GHR: variants seen among roughly 807,000 people sequenced by gnomAD.
GHR encodes growth hormone receptor, also known as GH receptor.
GHR carries 35 observed loss-of-function variants against 67.1 expected under a neutral mutation model. That is an observed-to-expected ratio of 0.52 (90% CI 0.40 to 0.69). The LOEUF (loss-of-function observed/expected upper bound fraction) is 0.69. Among genes scored for constraint, GHR ranks in the 30% least tolerant of loss-of-function variants. The pLI, the probability that GHR is intolerant of heterozygous loss-of-function variation, is 0.00. For missense variants in GHR, 792 were observed against 764.6 expected (o/e 1.04, Z -0.42); for synonymous variants, 272 against 269.1 (o/e 1.01, Z -0.10).
chr5:42,467,194 G>T, intron 1 of GHR: 11 of 1,581,018 alleles, frequency 7.0e-6, no homozygotes, highest in Non-Finnish European at 9.5e-6. Context: ...CTGACTGAAG[G>T]CTTGCCCACA....
chr5:42,664,861 T>A (rs1755869160), intron 3 of GHR, among the ~76,000 whole-genome samples: 1 of 152,210 alleles, frequency 6.6e-6, no homozygotes, highest in East Asian at 1.9e-4. Context: ...AAAGGGATAA[T>A]ATCCAGAATC....
At chr5:42,471,397 T>A (rs1455072937) in intron 1 of GHR, among the ~76,000 whole-genome samples, 1 of 152,190 alleles carries the variant, frequency 6.6e-6, no homozygotes, top group East Asian at 1.9e-4. Context: ...AGCTACTATT[T>A]GAGGAACTAA....
intron 1 of GHR, among the ~76,000 whole-genome samples, chr5:42,425,546 A>T (rs1742815579): frequency 6.6e-6 from 1 of 152,154 alleles, no homozygotes; most frequent in South Asian, 2.1e-4. Flanking sequence ...AGGATTGTTG[A>T]TTCTATTTAT....
chr5:42,588,484 A>G, intron 2 of GHR, among the ~76,000 whole-genome samples: 1 of 132,844 alleles, frequency 7.5e-6, no homozygotes, highest in South Asian at 2.5e-4. Flanking sequence ...GCGCCATTGC[A>G]CTCCACACTC....
intron 3 of GHR, among the ~76,000 whole-genome samples, chr5:42,642,104 C>T (rs931523336): frequency 6.6e-6 from 1 of 151,922 alleles, no homozygotes; most frequent in South Asian, 2.1e-4. Flanking sequence ...CTTTTCAGGC[C>T]GATGATGGAA....
At chr5:42,426,132 C>T (rs945480236) in intron 1 of GHR, among the ~76,000 whole-genome samples, 5 of 152,174 alleles carry the variant, frequency 3.3e-5, no homozygotes, top group Admixed American at 3.3e-4. Flanking sequence ...CAGATGTTTA[C>T]AGTGCTTGGT....
At chr5:42,569,310 T>G (rs1453290571) in intron 2 of GHR, among the ~76,000 whole-genome samples, 1 of 152,244 alleles carries the variant, frequency 6.6e-6, no homozygotes, top group Non-Finnish European at 1.5e-5. Flanking sequence ...CTTGAGCACT[T>G]ACTTCGTGGA....
chr5:42,486,799 A>T (rs1213206186), intron 1 of GHR, among the ~76,000 whole-genome samples: 4 of 151,316 alleles, frequency 2.6e-5, no homozygotes, highest in East Asian at 1.9e-4. Flanking sequence ...GTGAGCGGAG[A>T]TCGCGCCACT....
At chr5:42,642,654 T>C (rs764451630) in intron 3 of GHR, among the ~76,000 whole-genome samples, 2 of 152,196 alleles carry the variant, frequency 1.3e-5, no homozygotes, top group African/African-American at 2.4e-5. Context: ...TTGAACTTCA[T>C]TGCTGGAGCT....
intron 2 of GHR, among the ~76,000 whole-genome samples, chr5:42,592,868 A>C (rs2112600863): frequency 6.6e-6 from 1 of 152,304 alleles, no homozygotes; most frequent in South Asian, 2.1e-4. Context: ...AAGCAATATA[A>C]ATATTCCTTT....
intron 1 of GHR, among the ~76,000 whole-genome samples, chr5:42,461,675 TC>T (rs1370958064): frequency 6.6e-6 from 1 of 152,212 alleles, no homozygotes; most frequent in African/African-American, 2.4e-5. Flanking sequence ...TTTATCTTCC[TC>T]CCAATAGTCT....
chr5:42,490,211 T>A (rs564325670), intron 1 of GHR, among the ~76,000 whole-genome samples: 1 of 152,206 alleles, frequency 6.6e-6, no homozygotes, highest in Non-Finnish European at 1.5e-5. Flanking sequence ...ACCTTATTTC[T>A]TCCAGAAGGA....
At chr5:42,533,301 T>C (rs1222048296) in intron 1 of GHR, among the ~76,000 whole-genome samples, 1 of 152,086 alleles carries the variant, frequency 6.6e-6, no homozygotes, top group African/African-American at 2.4e-5. Flanking sequence ...TAGAAATGTA[T>C]GTGTGATCCT....
intron 5 of GHR, among the ~76,000 whole-genome samples, chr5:42,696,937 G>A (rs1757701106): frequency 6.6e-6 from 1 of 152,204 alleles, no homozygotes; most frequent in African/African-American, 2.4e-5. Flanking sequence ...AGGCTTTGCA[G>A]TACCACTTGT....
chr5:42,551,043 T>C (rs1197247364), intron 1 of GHR, among the ~76,000 whole-genome samples: 1 of 152,212 alleles, frequency 6.6e-6, no homozygotes, highest in African/African-American at 2.4e-5. Flanking sequence ...CTAGTGCCTC[T>C]GGCTGACATT....
intron 1 of GHR, among the ~76,000 whole-genome samples, chr5:42,478,786 TG>T (rs569985251): frequency 1.9e-4 from 29 of 152,336 alleles, no homozygotes; most frequent in African/African-American, 6.7e-4. Flanking sequence ...GATTTTGGGC[TG>T]AGATGATGGG....
intron 2 of GHR, among the ~76,000 whole-genome samples, chr5:42,622,884 T>C (rs1177076245): frequency 6.6e-6 from 1 of 152,090 alleles, no homozygotes; most frequent in East Asian, 1.9e-4. Context: ...CCAAACACCC[T>C]TAAAGAACAG....
intron 1 of GHR, among the ~76,000 whole-genome samples, chr5:42,505,090 T>G (rs141171426): frequency 6.6e-6 from 1 of 151,962 alleles, no homozygotes; most frequent in East Asian, 1.9e-4. Flanking sequence ...GTCTTCGGAG[T>G]TGTTAAACAT....
chr5:42,672,981 A>G (rs1756391749), intron 3 of GHR, among the ~76,000 whole-genome samples: 1 of 152,192 alleles, frequency 6.6e-6, no homozygotes, highest in South Asian at 2.1e-4. Context: ...TAAACAGCCT[A>G]CAGAATGGGT....
Sources: gnomAD v4.1 joint callset for allele counts (sites outside exome capture counted in the v4.1 genomes callset) on GRCh38, gnomAD v4.1.1 for gene constraint, MANE v1.5 for transcripts, NCBI Gene and HGNC (gene_info 2026-07-23, HGNC 2026-07-21) for gene names.